ASTN1: variants seen among roughly 807,000 people sequenced by gnomAD.
The protein encoded by ASTN1 is astrotactin-1.
Under a neutral mutation model 140.7 loss-of-function variants are expected in ASTN1, and 41 were observed. The observed-to-expected ratio is 0.29, with a 90% CI of 0.23 to 0.38. The LOEUF (loss-of-function observed/expected upper bound fraction) is 0.38. ASTN1 is among the 10% of genes least tolerant of loss of function. ASTN1 has a pLI of 1.00. For missense variants in ASTN1, 1,479 were observed against 1,678.8 expected (o/e 0.88, Z 2.08); for synonymous variants, 640 against 652.2 (o/e 0.98, Z 0.29).
In ASTN1 at chr1:176,936,390, A is replaced by G; in HGVS notation, c.2378-20T>C. 1 of 1,591,560 alleles carries G rather than the reference A, an allele frequency of 6.3e-7. No homozygotes were observed. Among genetic ancestry groups the G allele is most frequent in the Non-Finnish European group, 8.6e-7 (1 of 1,163,602 alleles). On this transcript the variant is annotated intron_variant, in intron 14 of 22. Transcript: ENST00000361833. ...CCATCCCTAAGGACAGAAGAGATGT[A>G]AGCTGAGTTCTGATACTGATTCATA...
At chr1:176,965,926 TAA>T (rs35744435) in intron 8 of ASTN1, among the ~76,000 whole-genome samples, 29,247 of 152,160 alleles carry the variant, frequency 0.19, 2,825 homozygotes, top group Admixed American at 0.23. Flanking sequence ...TTCTTAACTG[TAA>T]TTCCTTCTAG....
chr1:176,945,653 C>T (rs1671922431), intron 13 of ASTN1, among the ~76,000 whole-genome samples: 1 of 152,186 alleles, frequency 6.6e-6, no homozygotes, highest in Non-Finnish European at 1.5e-5. Flanking sequence ...TGAGCATTTT[C>T]GTGTGGGCTT....
intron 2 of ASTN1, among the ~76,000 whole-genome samples, chr1:177,054,500 C>T (rs1677700143): frequency 6.6e-6 from 1 of 152,186 alleles, no homozygotes; most frequent in South Asian, 2.1e-4. Context: ...CTGACCTGTG[C>T]GTGGAGCAGG....
At chr1:177,022,281 T>C (rs974402414) in intron 7 of ASTN1, among the ~76,000 whole-genome samples, 3 of 152,266 alleles carry the variant, frequency 2.0e-5, no homozygotes, top group African/African-American at 7.2e-5. Context: ...CTGCACATGC[T>C]GTACAAAAAG....
At chr1:177,143,345 T>G (rs1315729978) in intron 1 of ASTN1, among the ~76,000 whole-genome samples, 1 of 152,204 alleles carries the variant, frequency 6.6e-6, no homozygotes, top group Non-Finnish European at 1.5e-5. Context: ...TCAATCTACA[T>G]TGTAATGTGA....
intron 8 of ASTN1, among the ~76,000 whole-genome samples, chr1:177,007,690 A>G (rs1407861084): frequency 1.3e-5 from 2 of 152,314 alleles, no homozygotes; most frequent in East Asian, 1.9e-4. Flanking sequence ...ATGAACCGGC[A>G]TGCACGAGTC....
At chr1:177,034,449 C>T (rs145665594) in intron 2 of ASTN1, among the ~76,000 whole-genome samples, 1 of 152,136 alleles carries the variant, frequency 6.6e-6, no homozygotes, top group East Asian at 1.9e-4. Context: ...GGTGCAAGCT[C>T]TTATGCAAGT....
chr1:177,038,102 G>A (rs150992705), intron 2 of ASTN1, among the ~76,000 whole-genome samples: 1 of 152,258 alleles, frequency 6.6e-6, no homozygotes, highest in East Asian at 1.9e-4. Flanking sequence ...CCAGTCCTCT[G>A]GACCAACCAC....
intron 1 of ASTN1, among the ~76,000 whole-genome samples, chr1:177,159,965 A>G (rs1647265264): frequency 6.6e-6 from 1 of 152,218 alleles, no homozygotes. Flanking sequence ...TGATAAAGTT[A>G]TTAAGGCTGG....
intron 1 of ASTN1, among the ~76,000 whole-genome samples, chr1:177,081,904 G>A (rs1192597987): frequency 1.3e-5 from 2 of 152,152 alleles, no homozygotes; most frequent in Admixed American, 6.5e-5. Context: ...GAGGAGAAGT[G>A]AAAGGGGAGG....
At chr1:177,041,756 T>A (rs2101994946) in intron 2 of ASTN1, among the ~76,000 whole-genome samples, 1 of 152,342 alleles carries the variant, frequency 6.6e-6, no homozygotes, top group Admixed American at 6.5e-5. Context: ...ACCATTAGAC[T>A]TTATCCCTGT....
At chr1:176,929,948 C>A (rs1204198603) in intron 16 of ASTN1, among the ~76,000 whole-genome samples, 2 of 152,142 alleles carry the variant, frequency 1.3e-5, no homozygotes, top group African/African-American at 4.8e-5. Flanking sequence ...GTGGAGCTTG[C>A]AGTGAGCCAA....
chr1:176,909,807 C>T (rs1292209088), intron 16 of ASTN1, among the ~76,000 whole-genome samples: 1 of 152,066 alleles, frequency 6.6e-6, no homozygotes, highest in Non-Finnish European at 1.5e-5. Context: ...TCAGTAAGAC[C>T]CTGGGCGTAT....
At chr1:177,001,194 G>A (rs927812181) in intron 8 of ASTN1, among the ~76,000 whole-genome samples, 1 of 152,206 alleles carries the variant, frequency 6.6e-6, no homozygotes. Context: ...CATCCACTAT[G>A]TTCCAGACAG....
intron 21 of ASTN1, among the ~76,000 whole-genome samples, chr1:176,869,238 G>T (rs1220719922): frequency 6.6e-6 from 1 of 151,820 alleles, no homozygotes; most frequent in Admixed American, 6.6e-5. Flanking sequence ...ATACATATAT[G>T]CATGTTTACT....
At chr1:177,096,897 G>A (rs996174905) in intron 1 of ASTN1, among the ~76,000 whole-genome samples, 1 of 152,100 alleles carries the variant, frequency 6.6e-6, no homozygotes, top group East Asian at 1.9e-4. Flanking sequence ...GCCCCAGTGA[G>A]CTGCTTTGCC....
intron 1 of ASTN1, among the ~76,000 whole-genome samples, chr1:177,119,084 T>C (rs1681247111): frequency 6.6e-6 from 1 of 152,196 alleles, no homozygotes. Flanking sequence ...CAAATTAAGC[T>C]GCACCCACCT....
At chr1:176,957,631 C>T in intron 11 of ASTN1, 47 bp downstream of exon 11, 1 of 1,603,286 alleles carries the variant, frequency 6.2e-7, no homozygotes, top group African/African-American at 1.3e-5. Context: ...CCGTGCCTTT[C>T]CTCCCCATCC....
At chr1:177,088,847 T>C (rs1011530383) in intron 1 of ASTN1, among the ~76,000 whole-genome samples, 1 of 152,114 alleles carries the variant, frequency 6.6e-6, no homozygotes. Context: ...CTCTCTTCTT[T>C]CCTCCCTTCC....
Sources: allele counts gnomAD v4.1 joint callset (sites outside exome capture counted in the v4.1 genomes callset), GRCh38; gene constraint gnomAD v4.1.1; transcripts MANE v1.5; gene names NCBI Gene and HGNC (gene_info 2026-07-23, HGNC 2026-07-21).